The following JAZF1 variants were observed in gnomAD, a reference collection of about 807,000 sequenced individuals.
JAZF1 encodes juxtaposed with another zinc finger protein 1.
JAZF1 carries 8 observed loss-of-function variants against 26.4 expected under a neutral mutation model. That is an observed-to-expected ratio of 0.30 (90% CI 0.18 to 0.55). The LOEUF is 0.55. Among genes scored for constraint, JAZF1 ranks in the 20% least tolerant of loss-of-function variants. The pLI, the probability that JAZF1 is intolerant of heterozygous loss-of-function variation, is 0.94. For missense variants in JAZF1, 199 were observed against 322.0 expected (o/e 0.62, Z 2.92); for synonymous variants, 126 against 122.3 (o/e 1.03, Z -0.20).
At chr7:28,173,733 A>G (rs1332822262) in intron 1 of JAZF1, among the ~76,000 whole-genome samples, 1 of 152,050 alleles carries the variant, frequency 6.6e-6, no homozygotes, top group Non-Finnish European at 1.5e-5. Context: ...TCAGGGGACT[A>G]TCAGTGCTCT....
At chr7:27,926,429 G>C (rs1432998873) in intron 2 of JAZF1, among the ~76,000 whole-genome samples, 1 of 152,174 alleles carries the variant, frequency 6.6e-6, no homozygotes, top group Non-Finnish European at 1.5e-5. Context: ...TATAAAGTAA[G>C]ACTGACCTTT....
At chr7:27,865,885 T>A (rs1390283964) in intron 3 of JAZF1, among the ~76,000 whole-genome samples, 4 of 152,206 alleles carry the variant, frequency 2.6e-5, no homozygotes, top group Non-Finnish European at 4.4e-5. Context: ...GGGCACATTC[T>A]TTGTGAATAT....
At chr7:28,013,970 A>T (rs1782840897) in intron 1 of JAZF1, among the ~76,000 whole-genome samples, 1 of 152,134 alleles carries the variant, frequency 6.6e-6, no homozygotes. Flanking sequence ...CCAAGAAAAA[A>T]TTTTCCAAAA....
At chr7:28,135,453 C>G (rs546702273) in intron 1 of JAZF1, among the ~76,000 whole-genome samples, 2 of 152,324 alleles carry the variant, frequency 1.3e-5, no homozygotes, top group East Asian at 3.9e-4. Flanking sequence ...GAACAAACAG[C>G]ACCTTGCCAC....
chr7:27,903,801 G>A (rs1205332555), intron 2 of JAZF1, among the ~76,000 whole-genome samples: 5 of 152,198 alleles, frequency 3.3e-5, no homozygotes, highest in Admixed American at 3.3e-4. Context: ...TCATCAAGTT[G>A]CACAAGGCTC....
intron 1 of JAZF1, among the ~76,000 whole-genome samples, chr7:28,028,050 T>C (rs1783122434): frequency 6.6e-6 from 1 of 152,222 alleles, no homozygotes; most frequent in African/African-American, 2.4e-5. Flanking sequence ...ATTTTCTAAT[T>C]GGTTTATTTG....
chr7:28,127,404 G>T (rs1319901510), intron 1 of JAZF1, among the ~76,000 whole-genome samples: 1 of 152,172 alleles, frequency 6.6e-6, no homozygotes, highest in East Asian at 1.9e-4. Context: ...GCATGGACCT[G>T]CATTGGGAAT....
At chr7:28,143,790 GATA>G (rs1782990134) in intron 1 of JAZF1, among the ~76,000 whole-genome samples, 1 of 152,136 alleles carries the variant, frequency 6.6e-6, no homozygotes, top group South Asian at 2.1e-4. Flanking sequence ...TCCTTTTACG[GATA>G]ATATCATTTT....
At chr7:28,072,553 T>C (rs1045860585) in intron 1 of JAZF1, among the ~76,000 whole-genome samples, 2 of 152,294 alleles carry the variant, frequency 1.3e-5, no homozygotes, top group South Asian at 2.1e-4. Context: ...TCTCCAGACA[T>C]ACAAATTCTT....
intron 1 of JAZF1, among the ~76,000 whole-genome samples, chr7:28,130,717 G>A (rs540676148): frequency 4.6e-5 from 7 of 152,334 alleles, no homozygotes; most frequent in East Asian, 1.9e-4. Context: ...AGACTGTCGA[G>A]TGGTACTCCA....
chr7:27,886,756 C>G (rs1203880960), intron 3 of JAZF1, among the ~76,000 whole-genome samples: 1 of 152,170 alleles, frequency 6.6e-6, no homozygotes, highest in Non-Finnish European at 1.5e-5. Context: ...TTTCTGTATC[C>G]CCAATACTTG....
intron 2 of JAZF1, among the ~76,000 whole-genome samples, chr7:27,928,836 A>G (rs1784639111): frequency 6.6e-6 from 1 of 152,148 alleles, no homozygotes. Flanking sequence ...TAATTAATGG[A>G]TGTTAGGCTT....
intron 1 of JAZF1, among the ~76,000 whole-genome samples, chr7:28,164,081 C>T (rs1023320606): frequency 6.6e-6 from 1 of 152,202 alleles, no homozygotes; most frequent in Admixed American, 6.5e-5. Flanking sequence ...AACCATGTCC[C>T]TACTAGCTGC....
chr7:28,104,828 G>A (rs190026316), intron 1 of JAZF1, among the ~76,000 whole-genome samples: 1 of 152,300 alleles, frequency 6.6e-6, no homozygotes, highest in East Asian at 1.9e-4. Flanking sequence ...AAGATTAAAC[G>A]TCATCACCGA....
chr7:27,951,197 T>G (rs758828612), intron 2 of JAZF1, among the ~76,000 whole-genome samples: 36 of 152,184 alleles, frequency 2.4e-4, no homozygotes, highest in Non-Finnish European at 4.1e-4. Flanking sequence ...TCACTCCTAT[T>G]TAAATATGCT....
rs568253405 is a variant in JAZF1 at position 27,857,769 on chromosome 7, A to C, written c.386-16902T>G. On this transcript the variant is annotated intron_variant, in intron 3 of 4. Coordinates refer to ENST00000283928, the MANE Select transcript of JAZF1 (RefSeq NM_175061.4). ...AAAATAATAAGAGCTATTTATGACA[A>C]ACCCACAGCCAATATCATACTGAAT... 9.2e-5 allele frequency among the ~76,000 whole-genome samples: 14 copies of C among 152,334 alleles called. No individual in the cohort carries two copies. The East Asian group carries it at 2.5e-3, about 27-fold the overall frequency.
intron 1 of JAZF1, among the ~76,000 whole-genome samples, chr7:28,014,066 A>C (rs1212334888): frequency 6.8e-6 from 1 of 147,388 alleles, no homozygotes; most frequent in Non-Finnish European, 1.5e-5. Context: ...AGCTGTAAAA[A>C]TACAGTGGTT....
intron 1 of JAZF1, among the ~76,000 whole-genome samples, chr7:28,015,121 G>A (rs1024522): frequency 0.66 from 99,681 of 151,540 alleles, 36,494 homozygotes; most frequent in Non-Finnish European, 0.84. Flanking sequence ...TAAAAATTCT[G>A]ACGCAGCTCA....
intron 1 of JAZF1, among the ~76,000 whole-genome samples, chr7:28,052,315 T>C (rs1160789063): frequency 6.6e-6 from 1 of 152,210 alleles, no homozygotes; most frequent in African/African-American, 2.4e-5. Flanking sequence ...AGAAGTTGAA[T>C]AGTGCCAAGG....
Sources: gnomAD v4.1 joint callset for allele counts (sites outside exome capture counted in the v4.1 genomes callset) on GRCh38, gnomAD v4.1.1 for gene constraint, MANE v1.5 for transcripts, NCBI Gene and HGNC (gene_info 2026-07-23, HGNC 2026-07-21) for gene names.